The following SIL1 variants were observed in gnomAD, a reference collection of about 807,000 sequenced individuals.
SIL1 encodes the protein SIL1 nucleotide exchange factor.
In SIL1, 40 loss-of-function variants were observed where a neutral mutation model predicts 49.1. The observed-to-expected ratio is 0.81, with a 90% confidence interval of 0.63 to 1.06. The LOEUF (loss-of-function observed/expected upper bound fraction) is 1.06, where lower values mean the gene tolerates loss of function less well. Ranked by LOEUF, SIL1 falls within the 50% of genes least tolerant of loss-of-function variation. The pLI is 0.00. For synonymous variants in SIL1, 253 were observed against 250.8 expected, an observed-to-expected ratio of 1.01 and a Z score of -0.08; for missense variants, 500 against 572.6, an observed-to-expected ratio of 0.87 and a Z score of 1.29.
chr5:139,112,453 C>T (rs1309195204), intron 3 of SIL1, among the ~76,000 whole-genome samples: 14 of 150,496 alleles, frequency 9.3e-5, no homozygotes, highest in Non-Finnish European at 2.1e-4. Context: ...GCCTCTGCCC[C>T]GCCACCCAGT....
At chr5:138,990,051 G>T (rs1313563968) in intron 7 of SIL1, among the ~76,000 whole-genome samples, 1 of 152,206 alleles carries the variant, frequency 6.6e-6, no homozygotes, top group Non-Finnish European at 1.5e-5. Context: ...TCACAGGTAG[G>T]CACCAGGGCT....
At chr5:139,119,372 G>A (rs183197090) in intron 3 of SIL1, among the ~76,000 whole-genome samples, 33 of 152,316 alleles carry the variant, frequency 2.2e-4, no homozygotes, top group African/African-American at 6.0e-4. Flanking sequence ...ACTGGATGAA[G>A]GGAGCTACTG....
At chr5:139,130,271 G>A (rs1347097013) in intron 1 of SIL1, among the ~76,000 whole-genome samples, 1 of 151,960 alleles carries the variant, frequency 6.6e-6, no homozygotes, top group Non-Finnish European at 1.5e-5. Flanking sequence ...GCAACAGAGT[G>A]AGATTCTGCC....
intron 7 of SIL1, among the ~76,000 whole-genome samples, chr5:138,952,520 T>G (rs1187513869): frequency 6.6e-6 from 1 of 152,214 alleles, no homozygotes; most frequent in Non-Finnish European, 1.5e-5. Flanking sequence ...GCAGCTACTG[T>G]CAGCTTCTCT....
intron 7 of SIL1, among the ~76,000 whole-genome samples, chr5:138,998,085 C>G (rs1463765778): frequency 1.3e-5 from 2 of 152,154 alleles, no homozygotes; most frequent in African/African-American, 4.8e-5. Flanking sequence ...TAGTCCTATC[C>G]ATGAGCACGG....
intron 9 of SIL1, among the ~76,000 whole-genome samples, chr5:138,949,071 G>A (rs1184562719): frequency 6.6e-6 from 1 of 152,236 alleles, no homozygotes; most frequent in African/African-American, 2.4e-5. Context: ...ACAAGCTCAG[G>A]GGAATTCTCT....
chr5:139,177,452 C>A (rs1245492884), intron 1 of SIL1, among the ~76,000 whole-genome samples: 1 of 148,880 alleles, frequency 6.7e-6, no homozygotes, highest in Non-Finnish European at 1.5e-5. Flanking sequence ...GTTGGTCAGG[C>A]TGGTTTCGAA....
intron 3 of SIL1, among the ~76,000 whole-genome samples, chr5:139,098,584 T>G (rs567930231): frequency 1.3e-5 from 2 of 151,940 alleles, no homozygotes; most frequent in South Asian, 4.2e-4. Context: ...AAAGCAAAAA[T>G]GAACAAATGG....
At chr5:138,962,688 A>C (rs1380586959) in intron 7 of SIL1, among the ~76,000 whole-genome samples, 1 of 152,236 alleles carries the variant, frequency 6.6e-6, no homozygotes, top group Non-Finnish European at 1.5e-5. Flanking sequence ...AAGGGAGAGG[A>C]GCTATCTGTG....
intron 1 of SIL1, among the ~76,000 whole-genome samples, chr5:139,173,137 C>G (rs191291301): frequency 3.3e-5 from 5 of 152,016 alleles, no homozygotes; most frequent in African/African-American, 9.7e-5. Context: ...TTGAAGAAGC[C>G]GAGTTTTCTA....
chr5:138,994,038 C>A (rs1039717335), intron 7 of SIL1, among the ~76,000 whole-genome samples: 8 of 151,954 alleles, frequency 5.3e-5, no homozygotes, highest in Admixed American at 5.2e-4. Context: ...TAAATAAATT[C>A]ATCAACCTAT....
intron 1 of SIL1, among the ~76,000 whole-genome samples, chr5:139,186,852 G>A (rs1752084383): frequency 6.6e-6 from 1 of 152,216 alleles, no homozygotes; most frequent in Non-Finnish European, 1.5e-5. Context: ...ATCCAATTGA[G>A]TGTATAAGGC....
intron 3 of SIL1, among the ~76,000 whole-genome samples, chr5:139,107,015 A>G (rs1245210681): frequency 6.6e-6 from 1 of 152,234 alleles, no homozygotes; most frequent in Non-Finnish European, 1.5e-5. Context: ...CAAAGAACAG[A>G]GACAAGTGCC....
chr5:139,077,039 C>A lies in SIL1; in HGVS notation c.245-25993G>T, dbSNP rs573662317. On this transcript the variant is annotated intron_variant, in intron 3 of 9. Coordinates refer to ENST00000394817, the MANE Select transcript of SIL1 (RefSeq NM_022464.5). ...AACCCAGCTATTTGGGAGGCTGAGG[C>A]AGGAGAATTGCTTGAACCCAGGATG... 8.5e-5 allele frequency among the ~76,000 whole-genome samples: 13 copies of A among 152,268 alleles called. No individual in the cohort carries two copies. The South Asian group carries it at 1.9e-3, about 22-fold the overall frequency.
chr5:139,037,782 T>C (rs1768951603), intron 5 of SIL1, among the ~76,000 whole-genome samples: 1 of 152,262 alleles, frequency 6.6e-6, no homozygotes, highest in Non-Finnish European at 1.5e-5. Flanking sequence ...ATAATAGTTG[T>C]TTTAAAATTC....
intron 1 of SIL1, among the ~76,000 whole-genome samples, chr5:139,184,598 A>G (rs1056724919): frequency 1.3e-5 from 2 of 152,140 alleles, no homozygotes; most frequent in African/African-American, 4.8e-5. Context: ...TCTTGAGCCC[A>G]AGATTTTGAG....
intron 3 of SIL1, among the ~76,000 whole-genome samples, chr5:139,079,228 A>G (rs980777687): frequency 6.6e-6 from 1 of 152,180 alleles, no homozygotes; most frequent in Non-Finnish European, 1.5e-5. Context: ...GGCGCCTTGC[A>G]GCAAAGGCCC....
At chr5:139,051,288 G>C (rs1769278868) in intron 3 of SIL1, 1 of 541,814 alleles carries the variant, frequency 1.8e-6, no homozygotes, top group Non-Finnish European at 3.3e-6. Context: ...ATTCACACTT[G>C]AATCTAGAGA....
chr5:139,118,596 A>G (rs1750531350), intron 3 of SIL1, among the ~76,000 whole-genome samples: 1 of 152,158 alleles, frequency 6.6e-6, no homozygotes, highest in South Asian at 2.1e-4. Context: ...TGTCCTCTTT[A>G]CCACTAAATT....
Sources: gnomAD v4.1 joint callset for allele counts (sites outside exome capture counted in the v4.1 genomes callset) on GRCh38, gnomAD v4.1.1 for gene constraint, MANE v1.5 for transcripts, NCBI Gene and HGNC (gene_info 2026-07-23, HGNC 2026-07-21) for gene names.